Variants in ABCG8 observed in about 807,000 individuals in gnomAD.
ABCG8 encodes the protein ATP binding cassette subfamily G member 8, also known as ATP-binding cassette sub-family G member 8.
In ABCG8, 81 loss-of-function variants were observed where a neutral mutation model predicts 71.3. The observed-to-expected ratio is 1.14, with a 90% CI of 0.95 to 1.37. The LOEUF (loss-of-function observed/expected upper bound fraction) is 1.37, where lower values mean the gene tolerates loss of function less well. Ranked by LOEUF, ABCG8 falls within the 40% of genes most tolerant of loss-of-function variation. The pLI is 0.00. For synonymous variants in ABCG8, 451 were observed against 354.7 expected (o/e 1.27, Z -3.05); for missense variants, 1,119 against 866.2 (o/e 1.29, Z -3.66).
chr2:43,859,872 G>T (rs1422242988), intron 6 of ABCG8, among the ~76,000 whole-genome samples: 1 of 151,508 alleles, frequency 6.6e-6, no homozygotes, highest in African/African-American at 2.4e-5. Flanking sequence ...TCTCTGGATA[G>T]AACTCTCACT....
chr2:43,849,513 C>T (rs746361200), intron 3 of ABCG8, among the ~76,000 whole-genome samples: 1 of 152,200 alleles, frequency 6.6e-6, no homozygotes, highest in South Asian at 2.1e-4. Flanking sequence ...AGATCCCTCC[C>T]TCGACACGTG....
At chr2:43,852,519 G>T in intron 5 of ABCG8, 33 bp downstream of exon 5, 1 of 1,613,882 alleles carries the variant, frequency 6.2e-7, no homozygotes. Flanking sequence ...GGGGCAGAGG[G>T]ACCTGTGCGG....
chr2:43,846,468 C>A, intron 3 of ABCG8, 157 bp downstream of exon 3: 1 of 1,112,174 alleles, frequency 9.0e-7, no homozygotes, highest in Non-Finnish European at 1.3e-6. Flanking sequence ...CAGACCTGGG[C>A]TCAAATCCTG....
At chr2:43,863,147 C>G (rs1395379902) in intron 6 of ABCG8, among the ~76,000 whole-genome samples, 1 of 149,764 alleles carries the variant, frequency 6.7e-6, no homozygotes, top group Non-Finnish European at 1.5e-5. Flanking sequence ...ATAACTCTCA[C>G]TATCTGGATA....
Position 43,877,681 on chromosome 2 carries a change from G to C in ABCG8, c.1877G>C (p.Gly626Ala). The C allele has an allele frequency of 6.2e-7, 1 of 1,614,100 alleles. No individual in the cohort carries two copies. Among genetic ancestry groups the C allele is most frequent in the Non-Finnish European group, 8.5e-7 (1 of 1,179,994 alleles). ...PLGNLTIAVS[G>A]DKILSVMELD... ...GGGAACCTCACCATCGCGGTCTCAG[G>C]AGATAAAGTAAGCGGGGAAGGCCTC... Residue 626 changes from glycine to alanine, a missense_variant, in exon 12 of 13, where the codon GGA becomes GCA. Physicochemically the swap from Gly to Ala is moderately conservative, Grantham distance 60 (BLOSUM62 0). Coordinates refer to ENST00000272286, the MANE Select transcript of ABCG8 (RefSeq NM_022437.3).
intron 1 of ABCG8, among the ~76,000 whole-genome samples, chr2:43,841,607 A>G (rs1668583081): frequency 6.6e-6 from 1 of 152,144 alleles, no homozygotes; most frequent in South Asian, 2.1e-4. Context: ...ACAATCCCTC[A>G]ATGGTGGTTG....
rs770067942 is a variant in ABCG8 at position 43,882,211 on chromosome 2, G to A, written c.*4298G>A. ...TATATAAGATGTAATCTTGCCCTGG[G>A]TTAAACCAGTCTACAGAGGTAGATC... is the stretch of plus-strand genomic sequence containing the variant. On this transcript the variant is annotated 3_prime_UTR_variant, in exon 13 of 13. Coordinates refer to ENST00000272286, the MANE Select transcript of ABCG8 (RefSeq NM_022437.3). 10 of 152,152 alleles carry A rather than the reference G, an allele frequency of 6.6e-5. No homozygotes were observed. Among genetic ancestry groups the A allele is most frequent in the Non-Finnish European group, 1.5e-4 (10 of 68,024 alleles). The allele number at this position is 152,152 out of a possible 1,614,324, so 9.4% of individuals were successfully genotyped here.
intron 6 of ABCG8, among the ~76,000 whole-genome samples, chr2:43,855,122 C>G (rs1220964663): frequency 6.6e-6 from 1 of 152,232 alleles, no homozygotes; most frequent in Non-Finnish European, 1.5e-5. Flanking sequence ...GGATAGAACT[C>G]TCACAATCTG....
intron 6 of ABCG8, among the ~76,000 whole-genome samples, chr2:43,865,291 G>C (rs1669487087): frequency 6.8e-6 from 1 of 147,330 alleles, no homozygotes; most frequent in Non-Finnish European, 1.5e-5. Flanking sequence ...TATCTGGATA[G>C]AATTCTCAGT....
intron 6 of ABCG8, among the ~76,000 whole-genome samples, chr2:43,864,714 C>T (rs1222865193): frequency 1.3e-5 from 2 of 151,476 alleles, no homozygotes; most frequent in East Asian, 3.9e-4. Context: ...AATTCCCACC[C>T]TCTAGGTAGA....
intron 6 of ABCG8, among the ~76,000 whole-genome samples, chr2:43,868,731 T>C (rs1477110368): frequency 1.3e-5 from 2 of 151,876 alleles, no homozygotes; most frequent in Admixed American, 6.6e-5. Context: ...ATTCCCACTA[T>C]CGATCAGGAT....
intron 6 of ABCG8, among the ~76,000 whole-genome samples, chr2:43,869,517 A>G (rs1336207156): frequency 6.6e-6 from 1 of 150,460 alleles, no homozygotes; most frequent in Admixed American, 6.6e-5. Flanking sequence ...AATTCTCACC[A>G]TCTGGATAAA....
rs985992027 is a variant in ABCG8 at position 43,881,759 on chromosome 2, G to A, written c.*3846G>A. The A allele has an allele frequency of 6.6e-6, 1 of 151,534 alleles. No individual in the cohort carries two copies. Among genetic ancestry groups the A allele is most frequent in the African/African-American group, 2.4e-5 (1 of 41,174 alleles). 9.4% of individuals were successfully genotyped at this position (151,534 alleles called of 1,614,324 possible). On this transcript the variant is annotated 3_prime_UTR_variant, in exon 13 of 13. Coordinates refer to ENST00000272286, the MANE Select transcript of ABCG8 (RefSeq NM_022437.3). ...TCTCGAGGCATGCATGCTGTTCAGC[G>A]AGCCCTGCCCTGCATTGCGAAAGGG...
chr2:43,852,608 T>A lies in ABCG8; in HGVS notation c.704T>A (p.Ile235Asn). The A allele has an allele frequency of 6.2e-7, 1 of 1,614,118 alleles. No homozygotes were observed. The highest frequency in any genetic ancestry group is 8.5e-7 in the Non-Finnish European group (1 of 1,180,010). Residue 235 changes from isoleucine (I) to asparagine (N), a missense_variant, in exon 6 of 13, where the codon ATT (isoleucine) becomes AAT (asparagine). Coordinates refer to ENST00000272286, the MANE Select transcript of ABCG8 (RefSeq NM_022437.3). Reference sequence around the variant, plus strand: ...TCTCTGTGTTGGAAAGGAATCCTTATTCTCGACGAACCCACCTCTGGGCTC... The same window carrying A: ...TCTCTGTGTTGGAAAGGAATCCTTAATCTCGACGAACCCACCTCTGGGCTC... Reference protein sequence around the residue: ...VQLLWNPGILILDEPTSGLDS... With the variant: ...VQLLWNPGILNLDEPTSGLDS...
At chr2:43,871,542 C>A (rs117930553) in intron 6 of ABCG8, among the ~76,000 whole-genome samples, 3 of 151,876 alleles carry the variant, frequency 2.0e-5, no homozygotes. Flanking sequence ...CCTCCCCCGA[C>A]CAGCCCAACT....
chr2:43,859,569 G>T (rs1184985969), intron 6 of ABCG8, among the ~76,000 whole-genome samples: 2 of 146,794 alleles, frequency 1.4e-5, no homozygotes, highest in Admixed American at 6.8e-5. Context: ...TTCTCACTCT[G>T]TGGATAGAAC....
chr2:43,858,105 A>G (rs60206887), intron 6 of ABCG8, among the ~76,000 whole-genome samples: 7,903 of 151,362 alleles, frequency 0.052, 250 homozygotes, highest in Middle Eastern at 0.11. Context: ...TGGAACTCTC[A>G]CTATTTATCT....
At chr2:43,873,179 T>C (rs1572864610) in intron 8 of ABCG8, among the ~76,000 whole-genome samples, 1 of 150,332 alleles carries the variant, frequency 6.7e-6, no homozygotes, top group East Asian at 1.9e-4. Flanking sequence ...GCAGACATCA[T>C]TGAGCGTACA....
chr2:43,873,325 A>G (rs1036759640), intron 8 of ABCG8, among the ~76,000 whole-genome samples: 2 of 151,684 alleles, frequency 1.3e-5, no homozygotes, highest in African/African-American at 4.9e-5. Context: ...AGTAGCTGGG[A>G]TTACAGGTGT....
Sources: gnomAD v4.1 joint callset for allele counts (sites outside exome capture counted in the v4.1 genomes callset) on GRCh38, gnomAD v4.1.1 for gene constraint, MANE v1.5 for transcripts, NCBI Gene and HGNC (gene_info 2026-07-23, HGNC 2026-07-21) for gene names.